The following IFT56 variants were observed in gnomAD, a reference collection of about 807,000 sequenced individuals.
IFT56 encodes intraflagellar transport protein 56.
the IFT56 span, among the ~76,000 whole-genome samples, chr7:139,182,458 G>T: frequency 6.6e-6 from 1 of 152,246 alleles, no homozygotes; most frequent in East Asian, 1.9e-4. Flanking sequence ...TTAGAAGACA[G>T]GAAATTATTT....
the IFT56 span, chr7:139,174,240 G>T: frequency 1.7e-6 from 1 of 586,962 alleles, no homozygotes; most frequent in South Asian, 1.4e-5. Context: ...TGCCTTTTTT[G>T]TCTTTCCCAA....
chr7:139,188,382 T>G, the IFT56 span, among the ~76,000 whole-genome samples: 1 of 152,176 alleles, frequency 6.6e-6, no homozygotes, highest in Admixed American at 6.5e-5. Context: ...ATTACAGGCA[T>G]GAGCCACCAT....
chr7:139,152,539 A>G, the IFT56 span, among the ~76,000 whole-genome samples: 3 of 152,226 alleles, frequency 2.0e-5, no homozygotes, highest in African/African-American at 7.2e-5. Context: ...AGATTAGTAA[A>G]TTAGAAAAGA....
the IFT56 span, chr7:139,190,225 T>TTTGTTGTTG: frequency 4.1e-5 from 6 of 145,346 alleles, no homozygotes; most frequent in Non-Finnish European, 5.9e-5. Flanking sequence ...AACATCAGTT[T>TTTGTTGTTG]TTGTTGTTGT....
the IFT56 span, among the ~76,000 whole-genome samples, chr7:139,157,135 A>ATTTCT: frequency 1.3e-5 from 1 of 76,842 alleles, no homozygotes; most frequent in African/African-American, 4.0e-5. Flanking sequence ...TAGATCTTTA[A>ATTTCT]TTTCTTTTTT....
At chr7:139,141,268 A>G in the IFT56 span, among the ~76,000 whole-genome samples, 1 of 151,950 alleles carries the variant, frequency 6.6e-6, no homozygotes, top group African/African-American at 2.4e-5. Flanking sequence ...AAAAAAAAAA[A>G]AAAAGACAGG....
At chr7:139,164,797 C>T in the IFT56 span, among the ~76,000 whole-genome samples, 37 of 151,508 alleles carry the variant, frequency 2.4e-4, no homozygotes, top group African/African-American at 8.7e-4. Context: ...GATATAAGGG[C>T]TATGAATAAA....
chr7:139,156,420 T>A, the IFT56 span, among the ~76,000 whole-genome samples: 1 of 151,870 alleles, frequency 6.6e-6, no homozygotes, highest in Non-Finnish European at 1.5e-5. Flanking sequence ...TATTAATTTG[T>A]GGTCTTTCTT....
chr7:139,158,350 C>G, the IFT56 span, among the ~76,000 whole-genome samples: 1 of 146,720 alleles, frequency 6.8e-6, no homozygotes, highest in Non-Finnish European at 1.5e-5. Flanking sequence ...AAAGAAATAT[C>G]CTTGTAAGGT....
the IFT56 span, chr7:139,161,070 T>G: frequency 6.6e-7 from 1 of 1,513,112 alleles, no homozygotes; most frequent in Admixed American, 1.8e-5. Flanking sequence ...TACTCTGCTT[T>G]GGTACATCAC....
At chr7:139,173,225 CTTTTTT>C in the IFT56 span, 60 of 295,552 alleles carry the variant, frequency 2.0e-4, no homozygotes, top group Admixed American at 2.6e-4. Flanking sequence ...ACAAAGTCAC[CTTTTTT>C]TTTTTTTTTT....
chr7:139,184,293 C>T, the IFT56 span, among the ~76,000 whole-genome samples: 1 of 152,122 alleles, frequency 6.6e-6, no homozygotes, highest in South Asian at 2.1e-4. Flanking sequence ...GTGTGTGTGG[C>T]GTCATCAGTT....
the IFT56 span, among the ~76,000 whole-genome samples, chr7:139,182,321 A>G: frequency 6.6e-6 from 1 of 152,184 alleles, no homozygotes; most frequent in Non-Finnish European, 1.5e-5. Context: ...GTTACCAAAA[A>G]AAGAGGTGAA....
At chr7:139,163,920 C>A in the IFT56 span, among the ~76,000 whole-genome samples, 1 of 152,172 alleles carries the variant, frequency 6.6e-6, no homozygotes, top group African/African-American at 2.4e-5. Context: ...ACCTTGCTTT[C>A]TGTGCATTTA....
At chr7:139,140,078 T>A in the IFT56 span, 1 of 1,007,822 alleles carries the variant, frequency 9.9e-7, no homozygotes, top group Non-Finnish European at 1.4e-6. Context: ...AACTTAATTG[T>A]ATTCCTTTTT....
chr7:139,174,280 C>T, the IFT56 span: 9 of 569,966 alleles, frequency 1.6e-5, no homozygotes, highest in African/African-American at 3.8e-5. Flanking sequence ...GGTCTGACGG[C>T]AGGGCGTCCC....
the IFT56 span, among the ~76,000 whole-genome samples, chr7:139,134,163 C>T: frequency 3.9e-5 from 6 of 152,134 alleles, no homozygotes; most frequent in African/African-American, 1.4e-4. Context: ...TTGGGAGTAG[C>T]TGTTTGGTCC....
chr7:139,143,684 A>G, the IFT56 span, among the ~76,000 whole-genome samples: 1 of 152,084 alleles, frequency 6.6e-6, no homozygotes, highest in African/African-American at 2.4e-5. Flanking sequence ...TGTATTTACA[A>G]ATACAGTTAG....
the IFT56 span, chr7:139,178,482 C>T: frequency 6.3e-7 from 1 of 1,575,646 alleles, no homozygotes; most frequent in Non-Finnish European, 8.7e-7. Context: ...TATGTTAATT[C>T]TCAGTGTGAC....
Sources: allele counts gnomAD v4.1 joint callset (sites outside exome capture counted in the v4.1 genomes callset), GRCh38; gene constraint gnomAD v4.1.1; transcripts MANE v1.5; gene names NCBI Gene and HGNC (gene_info 2026-07-23, HGNC 2026-07-21).